Variants in CDH13 observed in about 807,000 individuals in gnomAD.
The protein encoded by CDH13 is cadherin-13.
Under a neutral mutation model 63.8 loss-of-function variants are expected in CDH13, and 24 were observed. The ratio of observed to expected loss-of-function variants is 0.38; its 90% CI spans 0.27 to 0.53. The LOEUF is 0.53. Ranked by LOEUF, CDH13 falls within the 20% of genes least tolerant of loss-of-function variation. The pLI, the probability that CDH13 is intolerant of heterozygous loss-of-function variation, is 0.85. For missense variants in CDH13, 1,049 were observed against 903.1 expected, an observed-to-expected ratio of 1.16 and a Z score of -2.07; for synonymous variants, 503 against 355.3, an observed-to-expected ratio of 1.42 and a Z score of -4.67.
intron 2 of CDH13, among the ~76,000 whole-genome samples, chr16:83,013,961 T>G (rs74902399): frequency 0.031 from 4,657 of 152,256 alleles, 102 homozygotes; most frequent in Non-Finnish European, 0.045. Context: ...CTCATCTGTA[T>G]AAGCACGTCT....
chr16:82,957,568 T>G (rs1906306568), intron 2 of CDH13, among the ~76,000 whole-genome samples: 1 of 152,186 alleles, frequency 6.6e-6, no homozygotes, highest in Non-Finnish European at 1.5e-5. Flanking sequence ...GCCCCCCTGC[T>G]ATCTTCTGAA....
intron 7 of CDH13, among the ~76,000 whole-genome samples, chr16:83,530,638 G>A (rs1350634497): frequency 6.6e-6 from 1 of 152,154 alleles, no homozygotes; most frequent in African/African-American, 2.4e-5. Flanking sequence ...TTTTCAATCT[G>A]CCCATCATCT....
intron 3 of CDH13, among the ~76,000 whole-genome samples, chr16:83,102,489 C>G (rs141019930): frequency 2.6e-5 from 4 of 152,246 alleles, no homozygotes; most frequent in African/African-American, 9.6e-5. Flanking sequence ...CTTGCAGTAA[C>G]AGGGGCAGAG....
At chr16:83,036,724 T>G (rs951516089) in intron 3 of CDH13, among the ~76,000 whole-genome samples, 2 of 152,152 alleles carry the variant, frequency 1.3e-5, no homozygotes, top group Non-Finnish European at 2.9e-5. Context: ...TGTGTTCTGC[T>G]TCTTCCCAGC....
In CDH13 at chr16:83,031,963, C is replaced by T. The variant is rs781266482; in HGVS notation, c.158-47C>T. 1.5e-4 allele frequency: 218 copies of T among 1,438,446 alleles called. 3 individuals carry two copies. The South Asian group carries it at 2.6e-3, about 17-fold the overall frequency. 89.1% of individuals were successfully genotyped at this position (1,438,446 alleles called of 1,614,324 possible). A position where few individuals can be genotyped will look rare whatever the true frequency, so the allele number is the denominator to read the frequency against. On this transcript the variant is annotated intron_variant, in intron 2 of 13. Coordinates refer to ENST00000567109, the MANE Select transcript of CDH13 (RefSeq NM_001257.5). The stretch of plus-strand genomic sequence containing the variant: ...AGGTCAGAGATATCTCAGAGATAAG[C>T]TGCCCAACCTACTCATGCTCCTTCT...
chr16:83,693,974 C>A (rs560760051), intron 10 of CDH13, among the ~76,000 whole-genome samples: 58 of 152,256 alleles, frequency 3.8e-4, no homozygotes, highest in African/African-American at 1.4e-3. Context: ...CAAAAGAGGA[C>A]GTGACAATTC....
intron 10 of CDH13, among the ~76,000 whole-genome samples, chr16:83,712,611 G>A (rs1394583767): frequency 6.6e-6 from 1 of 152,164 alleles, no homozygotes; most frequent in Non-Finnish European, 1.5e-5. Flanking sequence ...AGCCAGCAAG[G>A]CAAAGAGGCC....
intron 2 of CDH13, among the ~76,000 whole-genome samples, chr16:82,861,431 A>G (rs1335311909): frequency 6.6e-6 from 1 of 152,216 alleles, no homozygotes; most frequent in Non-Finnish European, 1.5e-5. Flanking sequence ...CCTGACAGAC[A>G]TAGTATATCT....
chr16:82,965,854 C>G (rs542119537), intron 2 of CDH13, among the ~76,000 whole-genome samples: 8 of 152,328 alleles, frequency 5.3e-5, no homozygotes, highest in Admixed American at 2.6e-4. Flanking sequence ...TTTACATTGT[C>G]TTCCTTACAT....
chr16:83,512,984 T>A (rs1806180377), intron 7 of CDH13, among the ~76,000 whole-genome samples: 1 of 151,008 alleles, frequency 6.6e-6, no homozygotes, highest in Admixed American at 6.6e-5. Context: ...GGCAGTCAGC[T>A]AAATCCAGGA....
At chr16:82,765,767 C>G (rs113900618) in intron 1 of CDH13, among the ~76,000 whole-genome samples, 1 of 152,014 alleles carries the variant, frequency 6.6e-6, no homozygotes, top group Non-Finnish European at 1.5e-5. Context: ...TCCTGTGGCC[C>G]GGGGAAGAGA....
intron 4 of CDH13, among the ~76,000 whole-genome samples, chr16:83,182,788 A>G (rs1156540097): frequency 6.6e-6 from 1 of 152,224 alleles, no homozygotes; most frequent in African/African-American, 2.4e-5. Flanking sequence ...TAAATACACA[A>G]AATTATAAAG....
intron 7 of CDH13, among the ~76,000 whole-genome samples, chr16:83,551,310 A>T (rs2075489981): frequency 3.9e-5 from 6 of 152,090 alleles, no homozygotes; most frequent in Admixed American, 2.0e-4. Flanking sequence ...CAAGTGATCC[A>T]CCTGCCTCGG....
rs147888258 is a variant in CDH13, at chr16:82,792,552, G to C, written c.46-65810G>C. 2.4e-3 allele frequency among the ~76,000 whole-genome samples: 362 copies of C among 152,178 alleles called. 2 individuals are homozygous for C. Among genetic ancestry groups the C allele is most frequent in the African/African-American group, 8.3e-3 (343 of 41,520 alleles). ...CTCCAAGTCATTGACCCCAGGTTTAGTTGCCCCTCTAGACTATAAGGCCCC... is the reference window on the plus strand; with the variant it reads ...CTCCAAGTCATTGACCCCAGGTTTACTTGCCCCTCTAGACTATAAGGCCCC... On this transcript the variant is annotated intron_variant, in intron 1 of 13. Coordinates refer to ENST00000567109, the MANE Select transcript of CDH13 (RefSeq NM_001257.5).
At chr16:82,893,572 C>T (rs1456204045) in intron 2 of CDH13, among the ~76,000 whole-genome samples, 1 of 152,190 alleles carries the variant, frequency 6.6e-6, no homozygotes, top group East Asian at 1.9e-4. Flanking sequence ...TTCTGTTTGG[C>T]ATGCAGGAAA....
At chr16:83,412,803 T>A (rs1007721126) in intron 6 of CDH13, among the ~76,000 whole-genome samples, 1 of 152,212 alleles carries the variant, frequency 6.6e-6, no homozygotes, top group East Asian at 1.9e-4. Flanking sequence ...GCATTTACGA[T>A]TTCAGGACAT....
Position 83,486,367 on chromosome 16 carries a change from G to A in CDH13, c.782-110G>A, listed in dbSNP as rs150152636. ...GGGAAATACTTTTCTTTTTTAATTT[G>A]GAAAGTGATGGGCACACTGCTGCAC... On this transcript the variant is annotated intron_variant, in intron 6 of 13. Coordinates refer to ENST00000567109, the MANE Select transcript of CDH13 (RefSeq NM_001257.5). 7.2e-4 allele frequency: 545 copies of A among 751,738 alleles called. 4 individuals carry two copies. In the African/African-American group the frequency reaches 8.1e-3, roughly 11 times the overall value. The allele number at this position is 751,738 out of a possible 1,614,324, so 46.6% of individuals were successfully genotyped here. A position where few individuals can be genotyped will look rare whatever the true frequency, so the allele number is the denominator to read the frequency against.
At chr16:83,755,021 G>A (rs899347510) in intron 11 of CDH13, among the ~76,000 whole-genome samples, 1 of 152,038 alleles carries the variant, frequency 6.6e-6, no homozygotes, top group Non-Finnish European at 1.5e-5. Context: ...AGAAAAATCA[G>A]ACTACAGAGG....
At chr16:83,034,518 G>T (rs1803603743) in intron 3 of CDH13, among the ~76,000 whole-genome samples, 1 of 152,158 alleles carries the variant, frequency 6.6e-6, no homozygotes, top group Admixed American at 6.5e-5. Context: ...TCACTAATCT[G>T]TGATATAAAT....
Sources: gnomAD v4.1 joint callset for allele counts (sites outside exome capture counted in the v4.1 genomes callset) on GRCh38, gnomAD v4.1.1 for gene constraint, MANE v1.5 for transcripts, NCBI Gene and HGNC (gene_info 2026-07-23, HGNC 2026-07-21) for gene names.